The following ESRRG variants were observed in gnomAD, a reference collection of about 807,000 sequenced individuals.
ESRRG encodes estrogen-related receptor gamma.
A neutral mutation model predicts 44.0 loss-of-function variants in ESRRG; 13 were observed. The observed-to-expected ratio is 0.30, with a 90% CI of 0.19 to 0.47. The LOEUF (loss-of-function observed/expected upper bound fraction) is 0.47. ESRRG is among the 20% of genes least tolerant of loss of function. The pLI, the probability that ESRRG is intolerant of heterozygous loss-of-function variation, is 1.00. For synonymous variants in ESRRG, 215 were observed against 214.6 expected, an observed-to-expected ratio of 1.00 and a Z score of -0.02; for missense variants, 395 against 580.6, an observed-to-expected ratio of 0.68 and a Z score of 3.29.
chr1:217,133,610 TTTCTTTC>T (rs2092996875), intron 1 of ESRRG, among the ~76,000 whole-genome samples: 1 of 14,586 alleles, frequency 6.9e-5, no homozygotes, highest in Non-Finnish European at 1.8e-4. Context: ...TCCTTTTTTC[TTTCTTTC>T]TTTCTTTCTT....
intron 2 of ESRRG, among the ~76,000 whole-genome samples, chr1:216,891,907 C>T (rs987121557): frequency 6.8e-6 from 1 of 146,148 alleles, no homozygotes; most frequent in Non-Finnish European, 1.5e-5. Context: ...TCAAGCAATT[C>T]TCCTGCCTTA....
chr1:217,040,574 G>A (rs1272373416), intron 1 of ESRRG, among the ~76,000 whole-genome samples: 2 of 152,026 alleles, frequency 1.3e-5, no homozygotes, highest in Non-Finnish European at 2.9e-5. Flanking sequence ...GCTGATGACT[G>A]TTTTAGTTTT....
At chr1:216,907,593 C>T (rs918738209) in intron 2 of ESRRG, among the ~76,000 whole-genome samples, 47 of 152,174 alleles carry the variant, frequency 3.1e-4, no homozygotes, top group African/African-American at 1.1e-3. Flanking sequence ...TAGCGCCTTC[C>T]CTTGTACCCC....
At chr1:216,864,482 A>G (rs2096113457) in intron 2 of ESRRG, 1 of 152,098 alleles carries the variant, frequency 6.6e-6, no homozygotes, top group East Asian at 1.9e-4. Flanking sequence ...CAAAGATTCC[A>G]GTTGTACTTT....
At chr1:217,123,807 G>A (rs2092855455) in intron 1 of ESRRG, among the ~76,000 whole-genome samples, 1 of 152,116 alleles carries the variant, frequency 6.6e-6, no homozygotes, top group Non-Finnish European at 1.5e-5. Flanking sequence ...TGCATGCTGG[G>A]CTTAATATCT....
chr1:216,858,241 T>C (rs1390526998), intron 2 of ESRRG, among the ~76,000 whole-genome samples: 2 of 151,066 alleles, frequency 1.3e-5, no homozygotes, highest in Non-Finnish European at 2.9e-5. Context: ...ATCGAGACCA[T>C]CCTGGCTAAC....
intron 2 of ESRRG, among the ~76,000 whole-genome samples, chr1:216,890,195 G>T (rs766132731): frequency 1.3e-5 from 2 of 152,114 alleles, no homozygotes; most frequent in African/African-American, 4.8e-5. Context: ...TGCCCAGAAG[G>T]TTGAGGCTAC....
At position 216,769,016 on chromosome 1, in the gene ESRRG, A is replaced by G. The variant is rs969521344; in HGVS notation, c.-13-91525T>C. 3.3e-5 allele frequency among the ~76,000 whole-genome samples: 5 copies of G among 152,046 alleles called. No homozygotes were observed. In the East Asian group the frequency reaches 7.7e-4, roughly 24 times the overall value. ...TCATAATATACTTCAACAAATGCCTAATGTATGTTATTGACATGAGAAGCA... is the reference window on the plus strand; with the variant it reads ...TCATAATATACTTCAACAAATGCCTGATGTATGTTATTGACATGAGAAGCA... On this transcript the variant is annotated intron_variant, in intron 2 of 7. Coordinates refer to the ESRRG transcript ENST00000359162.
At chr1:216,660,891 T>C (rs929009184) in intron 2 of ESRRG, among the ~76,000 whole-genome samples, 1 of 152,102 alleles carries the variant, frequency 6.6e-6, no homozygotes, top group Non-Finnish European at 1.5e-5. Flanking sequence ...ACAGAGCATG[T>C]CACCAAAGCA....
At chr1:216,528,700 A>C (rs992865214) in intron 5 of ESRRG, among the ~76,000 whole-genome samples, 2 of 152,126 alleles carry the variant, frequency 1.3e-5, no homozygotes, top group Non-Finnish European at 2.9e-5. Context: ...GGAGCTTCTC[A>C]TGAGAACATT....
At chr1:216,792,494 A>G (rs1417604648) in intron 2 of ESRRG, among the ~76,000 whole-genome samples, 1 of 152,156 alleles carries the variant, frequency 6.6e-6, no homozygotes, top group East Asian at 1.9e-4. Context: ...CTATTCAGGG[A>G]AAAAGGGGAG....
chr1:217,049,582 G>T (rs1395183643), intron 1 of ESRRG, among the ~76,000 whole-genome samples: 1 of 152,154 alleles, frequency 6.6e-6, no homozygotes, highest in Non-Finnish European at 1.5e-5. Flanking sequence ...GAAGAAAAAA[G>T]AATAACTTGT....
In ESRRG at chr1:216,551,187, TCA is replaced by T. The variant is rs201477807; in HGVS notation, c.862+13030_862+13031del. ...ACCATGCATCATAGTCATAAAATAC[TCA>T]CAGAGACAGTCTCCCAAGAATAGCA... is the stretch of plus-strand genomic sequence containing the variant. On this transcript the variant is annotated intron_variant, in intron 5 of 6. Transcript: ENST00000408911. Among the ~76,000 whole-genome samples the T allele has an allele frequency of 7.2e-3, 1,103 of 152,290 alleles. 6 individuals carry two copies. Among genetic ancestry groups the T allele is most frequent in the African/African-American group, 0.025 (1,048 of 41,578 alleles).
At chr1:216,655,354 C>A (rs1042684247) in intron 2 of ESRRG, among the ~76,000 whole-genome samples, 3 of 152,060 alleles carry the variant, frequency 2.0e-5, no homozygotes, top group African/African-American at 7.2e-5. Flanking sequence ...GTTCAGGATG[C>A]AGTACTGGCG....
At chr1:216,536,134 A>G (rs2050876506) in intron 5 of ESRRG, among the ~76,000 whole-genome samples, 1 of 152,032 alleles carries the variant, frequency 6.6e-6, no homozygotes, top group Admixed American at 6.6e-5. Context: ...TTTTAATGTA[A>G]TACTTTAAAT....
intron 3 of ESRRG, among the ~76,000 whole-genome samples, chr1:216,586,563 A>G (rs1380043061): frequency 2.7e-5 from 4 of 150,540 alleles, no homozygotes; most frequent in African/African-American, 4.9e-5. Context: ...GAAACTAGTA[A>G]CCTAAGTAAC....
intron 1 of ESRRG, among the ~76,000 whole-genome samples, chr1:216,677,793 A>G (rs1389694130): frequency 1.3e-5 from 2 of 152,178 alleles, no homozygotes; most frequent in African/African-American, 4.8e-5. Context: ...CAAAAGCTCT[A>G]AAGAGTCCGA....
At chr1:216,959,328 T>C (rs557375291) in intron 1 of ESRRG, among the ~76,000 whole-genome samples, 1 of 102,422 alleles carries the variant, frequency 9.8e-6, no homozygotes, top group Admixed American at 1.1e-4. Context: ...AAGCGGCAGA[T>C]ATATCTATTT....
At chr1:216,953,485 C>T (rs916994966) in intron 1 of ESRRG, among the ~76,000 whole-genome samples, 6 of 151,726 alleles carry the variant, frequency 4.0e-5, no homozygotes, top group Admixed American at 3.9e-4. Flanking sequence ...TATGAAAATA[C>T]TGAGGGTAAA....
Sources: gnomAD v4.1 joint callset for allele counts (sites outside exome capture counted in the v4.1 genomes callset) on GRCh38, gnomAD v4.1.1 for gene constraint, MANE v1.5 for transcripts, NCBI Gene and HGNC (gene_info 2026-07-23, HGNC 2026-07-21) for gene names.